The following NUP210 variants were observed in gnomAD, a reference collection of about 807,000 sequenced individuals.
The protein encoded by NUP210 is nucleoporin 210, also known as nuclear pore membrane glycoprotein 210.
In NUP210, 151 loss-of-function variants were observed where a neutral mutation model predicts 196.0. The observed-to-expected ratio is 0.77, with a 90% CI of 0.67 to 0.88. The LOEUF is 0.88. NUP210 is among the 40% of genes least tolerant of loss of function. NUP210 has a pLI of 0.00. For missense variants in NUP210, 2,314 were observed against 2,493.7 expected (o/e 0.93, Z 1.53); for synonymous variants, 1,070 against 1,052.7 (o/e 1.02, Z -0.32).
At chr3:13,416,554 A>G (rs1700354625) in intron 1 of NUP210, among the ~76,000 whole-genome samples, 1 of 152,206 alleles carries the variant, frequency 6.6e-6, no homozygotes, top group Admixed American at 6.5e-5. Flanking sequence ...TTCTCTGTAA[A>G]CTAGGGCAGC....
intron 6 of NUP210, among the ~76,000 whole-genome samples, chr3:13,380,295 C>T (rs755643865): frequency 2.6e-5 from 4 of 152,144 alleles, no homozygotes; most frequent in African/African-American, 4.8e-5. Context: ...TGAGCAACAT[C>T]GATGTACATC....
rs763532681 is a variant in NUP210, at chr3:13,321,820, GAGC to G, written c.4928_4930del (p.Cys1643del). 1.2e-6 allele frequency: 2 copies of G among 1,606,464 alleles called. No individual in the cohort carries two copies. Among genetic ancestry groups the G allele is most frequent in the East Asian group, 4.5e-5 (2 of 44,872 alleles). On this transcript the variant is annotated inframe_deletion, in exon 36 of 40. Coordinates refer to ENST00000254508, the MANE Select transcript of NUP210 (RefSeq NM_024923.4). The stretch of plus-strand genomic sequence containing the variant: ...GTCCGTCAGCCTGTGCATTGTGATT[GAGC>G]AGAAGTACTGGCCTGCGAAGACAAG...
chr3:13,397,787 C>A (rs772701970), intron 2 of NUP210, among the ~76,000 whole-genome samples: 2 of 152,192 alleles, frequency 1.3e-5, no homozygotes, highest in Non-Finnish European at 2.9e-5. Flanking sequence ...GTAAGCATTC[C>A]GTGAAGTGAC....
chr3:13,373,951 C>A (rs903020400), intron 11 of NUP210, 78 bp from the exon 12 acceptor site: 25 of 1,512,302 alleles, frequency 1.7e-5, no homozygotes, highest in Middle Eastern at 1.8e-4. Flanking sequence ...GAGACACGTG[C>A]GTGTGCATGC....
chr3:13,317,910 C>G, intron 39 of NUP210, 129 bp from the exon 40 acceptor site: 1 of 656,728 alleles, frequency 1.5e-6, no homozygotes, highest in Non-Finnish European at 2.6e-6. Flanking sequence ...CGAGGCCTCC[C>G]CGGCCAGCAG....
At chr3:13,329,157 A>G (rs1202684025) in intron 30 of NUP210, among the ~76,000 whole-genome samples, 1 of 152,168 alleles carries the variant, frequency 6.6e-6, no homozygotes, top group Non-Finnish European at 1.5e-5. Context: ...AACACAGCAG[A>G]CTGGCCTCTC....
intron 1 of NUP210, among the ~76,000 whole-genome samples, chr3:13,401,874 A>G (rs1037586076): frequency 2.6e-5 from 4 of 151,810 alleles, no homozygotes; most frequent in African/African-American, 9.7e-5. Flanking sequence ...GAATTTTGCC[A>G]TAAACCTAAA....
chr3:13,363,997 G>A (rs1195592569), intron 14 of NUP210, among the ~76,000 whole-genome samples: 6 of 152,128 alleles, frequency 3.9e-5, no homozygotes, highest in Admixed American at 2.0e-4. Context: ...TGTGCTCGGG[G>A]ATTTCAACTC....
chr3:13,373,787 GC>G lies in NUP210; in HGVS notation c.1517del (p.Gly506AlafsTer8). On this transcript the variant is annotated frameshift_variant, in exon 12 of 40. Coordinates refer to ENST00000254508, the MANE Select transcript of NUP210 (RefSeq NM_024923.4). LOFTEE classifies it high-confidence loss of function. ...GGATCACACTGAACCCGATGTCACT[GC>G]CTGTGGTCATCACGCCCTTGACAGT... is the stretch of plus-strand genomic sequence containing the variant. ...TVTVKGVMTTGSDIGFSVIQA... is the reference protein window; with the variant it reads ...TVTVKGVMTTXSDIGFSVIQA... The G allele has an allele frequency of 6.2e-7, 1 of 1,614,118 alleles. No homozygotes were observed. Among genetic ancestry groups the G allele is most frequent in the Non-Finnish European group, 8.5e-7 (1 of 1,179,992 alleles).
At chr3:13,362,860 C>T (rs982282222) in intron 14 of NUP210, among the ~76,000 whole-genome samples, 9 of 152,164 alleles carry the variant, frequency 5.9e-5, no homozygotes, top group Admixed American at 2.0e-4. Context: ...TCTGCCTGAG[C>T]GTCACCTCCT....
intron 11 of NUP210, among the ~76,000 whole-genome samples, chr3:13,374,563 G>C (rs1017538452): frequency 1.6e-4 from 25 of 152,116 alleles, no homozygotes; most frequent in African/African-American, 6.0e-4. Flanking sequence ...GGGACCTCGA[G>C]ACCGATGCAC....
At chr3:13,375,352 C>T (rs1698864887) in intron 11 of NUP210, 152 bp downstream of exon 11, 2 of 689,902 alleles carry the variant, frequency 2.9e-6, no homozygotes, top group South Asian at 3.3e-5. Context: ...GAATGCATTG[C>T]TATGATGGAA....
At chr3:13,339,826 G>A (rs1697386039) in intron 25 of NUP210, 28 bp downstream of exon 25, 1 of 1,579,094 alleles carries the variant, frequency 6.3e-7, no homozygotes, top group African/African-American at 1.3e-5. Context: ...AGGCACAGCT[G>A]CCCAGTCTCC....
chr3:13,375,023 T>A (rs1479432852), intron 11 of NUP210, among the ~76,000 whole-genome samples: 4 of 152,250 alleles, frequency 2.6e-5, no homozygotes, highest in Admixed American at 2.0e-4. Context: ...CCCTTAAATT[T>A]TAATGTTTTC....
chr3:13,344,863 G>T, intron 20 of NUP210: 1 of 928,174 alleles, frequency 1.1e-6, no homozygotes, highest in Non-Finnish European at 1.3e-6. Context: ...GCCTCCACCT[G>T]CTGGCTCCAA....
intron 20 of NUP210, among the ~76,000 whole-genome samples, chr3:13,344,487 A>T (rs1371294742): frequency 6.6e-6 from 1 of 152,168 alleles, no homozygotes; most frequent in African/African-American, 2.4e-5. Context: ...TAAAGTAAGC[A>T]CTTCAGGGTT....
chr3:13,353,409 T>C lies in NUP210; in HGVS notation c.2628+145A>G, dbSNP rs551787741. ...CTACTATTAATAGCAGTGCCTCTCC[T>C]GGGGCCTCCAAGAGGCTGGGGTGGG... On this transcript the variant is annotated intron_variant, in intron 18 of 39. Coordinates refer to ENST00000254508, the MANE Select transcript of NUP210 (RefSeq NM_024923.4). 99 of 670,412 alleles carry C rather than the reference T, an allele frequency of 1.5e-4. No homozygotes were observed. The East Asian group carries it at 2.5e-3, about 17-fold the overall frequency. 41.5% of individuals were successfully genotyped at this position (670,412 alleles called of 1,614,324 possible).
intron 20 of NUP210, 33 bp from the exon 21 acceptor site, chr3:13,343,336 T>TGGGGGGGGGGGGGGGGGGG: frequency 1.2e-5 from 3 of 260,408 alleles, no homozygotes; most frequent in South Asian, 2.9e-5. Flanking sequence ...GAGGGGTGGG[T>TGGGGGGGGGGGGGGGGGGG]GGTGGGTTAC....
Position 13,353,992 on chromosome 3 carries a change from A to C in NUP210, c.2444T>G (p.Val815Gly). 1 of 1,609,802 alleles carries C rather than the reference A, an allele frequency of 6.2e-7. No homozygotes were observed. Among genetic ancestry groups the C allele is most frequent in the Non-Finnish European group, 8.5e-7 (1 of 1,178,058 alleles). Residue 815 changes from valine (V) to glycine (G), a missense_variant, in exon 17 of 40, where the codon GTG (valine) becomes GGG (glycine). Coordinates refer to ENST00000254508, the MANE Select transcript of NUP210 (RefSeq NM_024923.4). ...CAGCTCAGGCTCGATGCTGGCCAAC[A>C]CTGGCCTGGTGGACTCCCACTGGAT... ...LSIQWESTRP[V>G]LASIEPELPM...
Sources: gnomAD v4.1 joint callset for allele counts (sites outside exome capture counted in the v4.1 genomes callset) on GRCh38, gnomAD v4.1.1 for gene constraint, MANE v1.5 for transcripts, NCBI Gene and HGNC (gene_info 2026-07-23, HGNC 2026-07-21) for gene names.